GPC5: variants seen among roughly 807,000 people sequenced by gnomAD.
GPC5 encodes the protein glypican-5.
Under a neutral mutation model 53.9 loss-of-function variants are expected in GPC5, and 47 were observed. That is an observed-to-expected ratio of 0.87 (90% CI 0.69 to 1.11). GPC5 has a LOEUF of 1.11. Ranked by LOEUF, GPC5 falls within the 50% of genes most tolerant of loss-of-function variation. The pLI, the probability that GPC5 is intolerant of heterozygous loss-of-function variation, is 0.00. For synonymous variants in GPC5, 286 were observed against 263.3 expected, an observed-to-expected ratio of 1.09 and a Z score of -0.84; for missense variants, 748 against 713.1, an observed-to-expected ratio of 1.05 and a Z score of -0.56.
intron 5 of GPC5, among the ~76,000 whole-genome samples, chr13:91,801,534 G>A (rs2038136866): frequency 6.6e-6 from 1 of 151,962 alleles, no homozygotes; most frequent in Admixed American, 6.6e-5. Flanking sequence ...GTTACGGATT[G>A]GACCATATAG....
intron 7 of GPC5, among the ~76,000 whole-genome samples, chr13:92,328,079 T>C (rs1190462646): frequency 6.6e-6 from 1 of 152,204 alleles, no homozygotes; most frequent in Non-Finnish European, 1.5e-5. Flanking sequence ...GGCACTGTGA[T>C]GATTCATGGA....
At chr13:92,206,315 C>T (rs1406700229) in intron 7 of GPC5, among the ~76,000 whole-genome samples, 3 of 151,128 alleles carry the variant, frequency 2.0e-5, no homozygotes, top group South Asian at 4.2e-4. Flanking sequence ...CAGGCGCCTG[C>T]CACCACGCCC....
intron 5 of GPC5, among the ~76,000 whole-genome samples, chr13:91,860,895 C>T (rs909675025): frequency 3.3e-5 from 5 of 152,058 alleles, no homozygotes; most frequent in African/African-American, 4.8e-5. Flanking sequence ...CAATAAACAT[C>T]GAGGTGCAGA....
chr13:92,217,943 G>T (rs2042422880), intron 7 of GPC5, among the ~76,000 whole-genome samples: 1 of 136,074 alleles, frequency 7.3e-6, no homozygotes, highest in Admixed American at 7.6e-5. Context: ...TTTTAGGCAG[G>T]GTCACACTCT....
chr13:91,951,935 A>T (rs542736459), intron 6 of GPC5, among the ~76,000 whole-genome samples: 38 of 152,258 alleles, frequency 2.5e-4, no homozygotes, highest in African/African-American at 8.4e-4. Context: ...TCTTTCTCTT[A>T]TGAAATTATA....
intron 3 of GPC5, among the ~76,000 whole-genome samples, chr13:91,699,760 A>G (rs906781717): frequency 6.6e-6 from 1 of 152,202 alleles, no homozygotes; most frequent in African/African-American, 2.4e-5. Flanking sequence ...TCATTAGACC[A>G]CAGGAGGGTT....
At chr13:92,418,223 G>A (rs1566581756) in intron 7 of GPC5, among the ~76,000 whole-genome samples, 1 of 152,130 alleles carries the variant, frequency 6.6e-6, no homozygotes, top group Non-Finnish European at 1.5e-5. Context: ...AAAAAAATAT[G>A]CCAAAATTGA....
At chr13:91,762,193 A>T (rs2037427206) in intron 5 of GPC5, among the ~76,000 whole-genome samples, 1 of 152,166 alleles carries the variant, frequency 6.6e-6, no homozygotes, top group African/African-American at 2.4e-5. Flanking sequence ...GTGAGTTTTT[A>T]AAATCAGATA....
At chr13:92,846,170 T>C (rs924444988) in intron 7 of GPC5, among the ~76,000 whole-genome samples, 3 of 152,052 alleles carry the variant, frequency 2.0e-5, no homozygotes, top group African/African-American at 7.2e-5. Context: ...GGCAACAGGA[T>C]AGAGAAGTGC....
chr13:92,255,296 A>G (rs1377077320), intron 7 of GPC5, among the ~76,000 whole-genome samples: 2 of 152,172 alleles, frequency 1.3e-5, no homozygotes, highest in Admixed American at 6.6e-5. Flanking sequence ...ATACTTAACT[A>G]GAATGGGGCA....
At chr13:92,284,181 T>G (rs1055782548) in intron 7 of GPC5, among the ~76,000 whole-genome samples, 7 of 152,146 alleles carry the variant, frequency 4.6e-5, no homozygotes, top group African/African-American at 1.7e-4. Flanking sequence ...CTTCCAAGAC[T>G]AAACCAGGAA....
chr13:91,491,294 C>T lies in GPC5; in HGVS notation c.325+42372C>T, dbSNP rs150893322. On this transcript the variant is annotated intron_variant, in intron 2 of 7. Coordinates refer to ENST00000377067, the MANE Select transcript of GPC5 (RefSeq NM_004466.6). The stretch of plus-strand genomic sequence containing the variant: ...ATGTTTACTCCTCTCTGCCTTTATC[C>T]CCACAGTTATTATATGACTCTCTTT... Among the ~76,000 whole-genome samples, 139 of 152,242 alleles carry T rather than the reference C, an allele frequency of 9.1e-4. 2 individuals are homozygous for T. The highest frequency in any genetic ancestry group is 3.1e-3 in the African/African-American group (130 of 41,538).
At chr13:92,573,932 G>A (rs1489087721) in intron 7 of GPC5, among the ~76,000 whole-genome samples, 1 of 152,048 alleles carries the variant, frequency 6.6e-6, no homozygotes, top group Non-Finnish European at 1.5e-5. Context: ...ATCTGGTCTG[G>A]GCAAACCGAC....
Position 91,747,768 on chromosome 13 carries a change from A to G in GPC5, c.1155-8527A>G, listed in dbSNP as rs147882954. Among the ~76,000 whole-genome samples, 83 of 152,348 alleles carry G rather than the reference A, an allele frequency of 5.4e-4. No homozygotes were observed. In the East Asian group the frequency reaches 0.015, roughly 27 times the overall value. On this transcript the variant is annotated intron_variant, in intron 4 of 7. Transcript: ENST00000377067. ...AGATTTATTCAACTTTGATTAATCAAATATCCACTGGCAGCCAGTTATTGC... is the reference window on the plus strand; with the variant it reads ...AGATTTATTCAACTTTGATTAATCAGATATCCACTGGCAGCCAGTTATTGC...
At chr13:91,860,490 C>CTCTG (rs767991037) in intron 5 of GPC5, among the ~76,000 whole-genome samples, 1 of 98,672 alleles carries the variant, frequency 1.0e-5, no homozygotes, top group African/African-American at 4.6e-5. Flanking sequence ...TCCTTCCTTC[C>CTCTG]TCTTTCTTTC....
chr13:92,051,199 C>CTT (rs72346282), intron 6 of GPC5, among the ~76,000 whole-genome samples: 18 of 73,892 alleles, frequency 2.4e-4, no homozygotes, highest in South Asian at 5.9e-4. Context: ...TCATTTTTTT[C>CTT]TTTTTTTTTT....
intron 6 of GPC5, among the ~76,000 whole-genome samples, chr13:92,139,742 C>A (rs1373688821): frequency 6.6e-6 from 1 of 150,392 alleles, no homozygotes; most frequent in Non-Finnish European, 1.5e-5. Flanking sequence ...TGAATCAGTT[C>A]ATCTGCCAGT....
intron 7 of GPC5, among the ~76,000 whole-genome samples, chr13:92,311,291 A>G (rs2043143415): frequency 6.6e-6 from 1 of 152,228 alleles, no homozygotes; most frequent in African/African-American, 2.4e-5. Flanking sequence ...GGCCACTGAG[A>G]AAAGAGCAGT....
chr13:92,202,091 C>T (rs1240655700), intron 7 of GPC5, among the ~76,000 whole-genome samples: 1 of 152,140 alleles, frequency 6.6e-6, no homozygotes, highest in Non-Finnish European at 1.5e-5. Flanking sequence ...AAGTCAGTCT[C>T]AAACATTAAG....
Sources: gnomAD v4.1 joint callset for allele counts (sites outside exome capture counted in the v4.1 genomes callset) on GRCh38, gnomAD v4.1.1 for gene constraint, MANE v1.5 for transcripts, NCBI Gene and HGNC (gene_info 2026-07-23, HGNC 2026-07-21) for gene names.